C10orf143: variants seen among roughly 807,000 people sequenced by gnomAD.
C10orf143 encodes chromosome 10 open reading frame 143, also known as uncharacterized protein C10orf143.
rs970316570 is a variant in C10orf143, at chr10:130,045,485, G to A, written c.298-9515C>T. ...CCGCAGACAGTGGCAGCAACGCCCC[G>A]CCCCGCAGCACTGCAGCTGCACCCC... is the stretch of plus-strand genomic sequence containing the variant. On this transcript the variant is annotated intron_variant and NMD_transcript_variant, in intron 3 of 5. Transcript: ENST00000643056. Among the ~76,000 whole-genome samples the A allele has an allele frequency of 2.6e-5, 4 of 152,312 alleles. No homozygotes were observed. In the East Asian group the frequency reaches 7.7e-4, roughly 29 times the overall value.
intron 3 of C10orf143, among the ~76,000 whole-genome samples, chr10:130,042,112 C>A (rs1393376348): frequency 1.3e-5 from 2 of 152,200 alleles, no homozygotes; most frequent in Non-Finnish European, 2.9e-5. Flanking sequence ...ATGTGCACAC[C>A]CATACATACA....
At chr10:130,046,190 G>C (rs1860669793) in intron 3 of C10orf143, among the ~76,000 whole-genome samples, 1 of 151,792 alleles carries the variant, frequency 6.6e-6, no homozygotes, top group Non-Finnish European at 1.5e-5. Flanking sequence ...GCCTGAGTGG[G>C]GCGCGGGGCG....
intron 1 of C10orf143, among the ~76,000 whole-genome samples, chr10:130,094,409 C>T (rs1307551357): frequency 1.3e-5 from 2 of 152,164 alleles, no homozygotes; most frequent in African/African-American, 2.4e-5. Flanking sequence ...CAAAATCTGG[C>T]AGAGACACAA....
intron 3 of C10orf143, among the ~76,000 whole-genome samples, chr10:130,053,163 C>T (rs1860755866): frequency 6.6e-6 from 1 of 152,176 alleles, no homozygotes; most frequent in Non-Finnish European, 1.5e-5. Flanking sequence ...AGGGTTCAGG[C>T]GATTCTCCTA....
intron 3 of C10orf143, 93 bp from the exon 4 acceptor site, chr10:130,064,476 T>A: frequency 1.0e-5 from 4 of 396,700 alleles, no homozygotes; most frequent in Non-Finnish European, 1.8e-5. Context: ...CACAAAGCAC[T>A]ACATTTAAAA....
chr10:130,087,382 T>C (rs1861307328), intron 1 of C10orf143, among the ~76,000 whole-genome samples: 1 of 152,122 alleles, frequency 6.6e-6, no homozygotes, highest in African/African-American at 2.4e-5. Flanking sequence ...AGGACCCCAT[T>C]ACATAACAAT....
intron 3 of C10orf143, among the ~76,000 whole-genome samples, chr10:130,073,218 T>G (rs548950238): frequency 6.6e-6 from 1 of 152,300 alleles, no homozygotes; most frequent in South Asian, 2.1e-4. Context: ...TACAGGACAG[T>G]TCTGCACCTG....
chr10:130,060,600 G>GCT (rs1860844022), downstream of C10orf143, among the ~76,000 whole-genome samples: 3 of 151,954 alleles, frequency 2.0e-5, no homozygotes, highest in African/African-American at 4.8e-5. Context: ...AAGGCGGATG[G>GCT]ATCACAAGGT....
intron 3 of C10orf143, among the ~76,000 whole-genome samples, chr10:130,043,516 C>T (rs189565380): frequency 5.3e-4 from 81 of 152,310 alleles, no homozygotes; most frequent in African/African-American, 1.8e-3. Flanking sequence ...TTTGCTCGTT[C>T]CAGCAGCAGA....
intron 3 of C10orf143, among the ~76,000 whole-genome samples, chr10:130,047,598 A>G (rs1019784667): frequency 6.6e-6 from 1 of 152,228 alleles, no homozygotes; most frequent in Non-Finnish European, 1.5e-5. Flanking sequence ...TCCTGCGTCC[A>G]GAGCTGGTCA....
At chr10:130,039,904 G>A (rs1203881038) in intron 3 of C10orf143, among the ~76,000 whole-genome samples, 3 of 152,174 alleles carry the variant, frequency 2.0e-5, no homozygotes, top group African/African-American at 7.2e-5. Flanking sequence ...ATTTAGGGAC[G>A]TGGCAAATCA....
At chr10:130,107,640 TTCTC>T in intron 1 of C10orf143, 1 of 1,330,820 alleles carries the variant, frequency 7.5e-7, no homozygotes, top group Non-Finnish European at 1.1e-6. Context: ...ACGAGAGCTT[TTCTC>T]TCTCCCGCAA....
At chr10:130,101,754 G>A (rs1440329830) in intron 1 of C10orf143, among the ~76,000 whole-genome samples, 2 of 146,876 alleles carry the variant, frequency 1.4e-5, no homozygotes, top group Admixed American at 1.4e-4. Flanking sequence ...CAGCTACTTG[G>A]GAGGCTGAGG....
intron 1 of C10orf143, among the ~76,000 whole-genome samples, chr10:130,095,706 TAATA>T (rs1386807057): frequency 7.6e-6 from 1 of 131,370 alleles, no homozygotes; most frequent in Non-Finnish European, 1.7e-5. Context: ...ACTCTCTATT[TAATA>T]AATAGTGTTG....
intron 1 of C10orf143, among the ~76,000 whole-genome samples, chr10:130,085,286 G>A (rs1021316781): frequency 7.9e-5 from 12 of 152,124 alleles, no homozygotes; most frequent in Non-Finnish European, 1.3e-4. Context: ...TAACTTTACC[G>A]TGGATAAAAC....
At chr10:130,070,995 A>T (rs1011258349) in intron 3 of C10orf143, among the ~76,000 whole-genome samples, 3 of 151,188 alleles carry the variant, frequency 2.0e-5, no homozygotes, top group African/African-American at 4.9e-5. Context: ...GGCTCACTGC[A>T]ACTTCCACCT....
In C10orf143 at chr10:130,079,761, A is replaced by T. The variant is rs1007754960; in HGVS notation, c.210T>A (p.Ser70Arg). ...RGCLPAPRPE[S>R]GQGRLSTGIS... ...CCCCTGTACTTAGCCTCCCCTGGCC[A>T]CTCTCTGGCCTTGGTGCTGGGAGGC... is the stretch of plus-strand genomic sequence containing the variant. Residue 70 changes from serine to arginine, a missense_variant, in exon 2 of 4, where the codon AGT becomes AGA. By Grantham distance (110) the Ser-to-Arg change is moderately radical (BLOSUM62 -1). Coordinates refer to ENST00000637128, the MANE Select transcript of C10orf143 (RefSeq NM_001355042.2). 7.5e-6 allele frequency: 3 copies of T among 398,514 alleles called. No individual in the cohort carries two copies. The highest frequency in any genetic ancestry group is 1.3e-5 in the Non-Finnish European group (3 of 226,054). 24.7% of individuals were successfully genotyped at this position (398,514 alleles called of 1,614,324 possible).
intron 3 of C10orf143, among the ~76,000 whole-genome samples, chr10:130,074,859 A>G (rs1430779145): frequency 6.6e-6 from 1 of 152,118 alleles, no homozygotes; most frequent in African/African-American, 2.4e-5. Flanking sequence ...GAACCAAAAC[A>G]ATAGGTTTGG....
intron 1 of C10orf143, among the ~76,000 whole-genome samples, chr10:130,108,980 G>C (rs1462297422): frequency 1.3e-5 from 2 of 152,186 alleles, no homozygotes; most frequent in Non-Finnish European, 2.9e-5. Flanking sequence ...TCAAGGAGCA[G>C]CAGTACTGCC....
Sources: gnomAD v4.1 joint callset for allele counts (sites outside exome capture counted in the v4.1 genomes callset) on GRCh38, gnomAD v4.1.1 for gene constraint, MANE v1.5 for transcripts, NCBI Gene and HGNC (gene_info 2026-07-23, HGNC 2026-07-21) for gene names.